Variants in VTI1A observed in about 807,000 individuals in gnomAD.
VTI1A encodes vesicle transport through interaction with t-SNAREs homolog 1A.
A neutral mutation model predicts 34.9 loss-of-function variants in VTI1A; 22 were observed. The ratio of observed to expected loss-of-function variants is 0.63; its 90% confidence interval spans 0.45 to 0.90. The LOEUF is 0.90. VTI1A is among the 40% of genes least tolerant of loss of function. The pLI, the probability that VTI1A is intolerant of heterozygous loss-of-function variation, is 0.00. For synonymous variants in VTI1A, 87 were observed against 97.3 expected (o/e 0.89, Z 0.62); for missense variants, 268 against 275.6 (o/e 0.97, Z 0.20).
At chr10:112,822,707 G>T (rs878885963), downstream of VTI1A, among the ~76,000 whole-genome samples, 3 of 152,132 alleles carry the variant, frequency 2.0e-5, no homozygotes, top group East Asian at 5.8e-4. Context: ...CATTTCTAAA[G>T]AAAGGGAGAA....
chr10:112,452,663 A>C (rs1357520533), intron 1 of VTI1A, among the ~76,000 whole-genome samples: 1 of 150,694 alleles, frequency 6.6e-6, no homozygotes, highest in Non-Finnish European at 1.5e-5. Context: ...GCATCTATAG[A>C]TCTATATATC....
At chr10:112,843,856 A>ACGTGATCTTAGAGAAGCCTTCCCCCACCC in the VTI1A span, among the ~76,000 whole-genome samples, 1 of 151,918 alleles carries the variant, frequency 6.6e-6, no homozygotes, top group Non-Finnish European at 1.5e-5. Context: ...CAGGCCTACC[A>ACGTGATCTTAGAGAAGCCTTCCCCCACCC]CGTGATCTTA....
chr10:112,752,567 G>GA (rs1851140172), intron 7 of VTI1A: 3 of 985,406 alleles, frequency 3.0e-6, no homozygotes, highest in Admixed American at 6.1e-5. Context: ...ACATGCTTTG[G>GA]AAAAACGCCC....
chr10:112,466,527 C>T (rs1482974100), intron 3 of VTI1A, among the ~76,000 whole-genome samples: 1 of 152,060 alleles, frequency 6.6e-6, no homozygotes, highest in East Asian at 1.9e-4. Flanking sequence ...TTGTGAAAGG[C>T]TAGTTTTTCT....
intron 7 of VTI1A, among the ~76,000 whole-genome samples, chr10:112,679,531 T>C (rs1367132850): frequency 1.3e-5 from 2 of 152,086 alleles, no homozygotes; most frequent in African/African-American, 2.4e-5. Flanking sequence ...TTAAAAAGGC[T>C]AATGACTTCT....
intron 5 of VTI1A, among the ~76,000 whole-genome samples, chr10:112,561,564 C>T (rs1239279312): frequency 6.6e-6 from 1 of 152,136 alleles, no homozygotes; most frequent in Non-Finnish European, 1.5e-5. Context: ...AATTCATCAA[C>T]ATGAAGCTGT....
At chr10:112,778,144 C>T (rs1393081429) in intron 7 of VTI1A, among the ~76,000 whole-genome samples, 4 of 152,074 alleles carry the variant, frequency 2.6e-5, no homozygotes, top group Non-Finnish European at 1.5e-5. Context: ...TAGCAAGTTC[C>T]GTAATAGCCT....
intron 7 of VTI1A, among the ~76,000 whole-genome samples, chr10:112,685,789 G>A (rs186488340): frequency 5.5e-4 from 84 of 152,066 alleles, no homozygotes; most frequent in African/African-American, 2.0e-3. Context: ...TGATATGCTC[G>A]CCTCTGTCCC....
chr10:112,660,046 C>T (rs1847385842), intron 5 of VTI1A, among the ~76,000 whole-genome samples: 1 of 152,124 alleles, frequency 6.6e-6, no homozygotes, highest in African/African-American at 2.4e-5. Context: ...CCTTATTTGG[C>T]CCCGTGCTCT....
chr10:112,763,699 A>G (rs1851556991), intron 7 of VTI1A, among the ~76,000 whole-genome samples: 1 of 152,164 alleles, frequency 6.6e-6, no homozygotes, highest in African/African-American at 2.4e-5. Context: ...ATATATTGAT[A>G]TAAGCTCTCT....
At chr10:112,448,097 T>C (rs1847018356) in intron 1 of VTI1A, among the ~76,000 whole-genome samples, 1 of 152,196 alleles carries the variant, frequency 6.6e-6, no homozygotes, top group Non-Finnish European at 1.5e-5. Flanking sequence ...CTTTCAACTT[T>C]CCTTCTTAGT....
intron 7 of VTI1A, among the ~76,000 whole-genome samples, chr10:112,745,406 A>G (rs564437849): frequency 3.3e-5 from 5 of 152,040 alleles, no homozygotes; most frequent in Admixed American, 2.6e-4. Flanking sequence ...TTCTGGCTCT[A>G]TACATTTTGT....
At chr10:112,843,826 G>A in the VTI1A span, among the ~76,000 whole-genome samples, 1 of 151,832 alleles carries the variant, frequency 6.6e-6, no homozygotes, top group Non-Finnish European at 1.5e-5. Context: ...TCACTTCTAA[G>A]CTTCCAGGCC....
At position 112,767,004 on chromosome 10, in the gene VTI1A, A is replaced by G. The variant is rs1004203737; in HGVS notation, c.561-48286A>G. Reference sequence around the variant, plus strand: ...TAGTTATTTAAATCTTGCTCCATATATATTACATATCCTTCAAAGCAGAGT... The same window carrying G: ...TAGTTATTTAAATCTTGCTCCATATGTATTACATATCCTTCAAAGCAGAGT... On this transcript the variant is annotated intron_variant, in intron 7 of 7. Coordinates refer to ENST00000393077, the MANE Select transcript of VTI1A (RefSeq NM_145206.4). This position sits in a 1 kb window ranked among gnomAD's most constrained non-coding sequence, Gnocchi z 4.0. Among the ~76,000 whole-genome samples, 10 of 152,224 alleles carry G rather than the reference A, an allele frequency of 6.6e-5. No individual in the cohort carries two copies. The highest frequency in any genetic ancestry group is 1.3e-4 in the Non-Finnish European group (9 of 68,036).
At chr10:112,740,376 G>A (rs149439858) in intron 7 of VTI1A, among the ~76,000 whole-genome samples, 2,766 of 152,204 alleles carry the variant, frequency 0.018, 88 homozygotes, top group African/African-American at 0.063. Context: ...TGCAACCTCC[G>A]CCTCCCAGGT....
chr10:112,632,907 G>T (rs1846189349), intron 5 of VTI1A, among the ~76,000 whole-genome samples: 1 of 152,212 alleles, frequency 6.6e-6, no homozygotes, highest in South Asian at 2.1e-4. Flanking sequence ...AGTAATGCCT[G>T]GGTATTTACA....
intron 7 of VTI1A, among the ~76,000 whole-genome samples, chr10:112,776,591 G>T (rs1022373260): frequency 6.6e-6 from 1 of 151,916 alleles, no homozygotes; most frequent in Non-Finnish European, 1.5e-5. Context: ...TCATCCCCCA[G>T]GATGCATTTA....
intron 5 of VTI1A, among the ~76,000 whole-genome samples, chr10:112,577,214 A>G (rs992046008): frequency 6.6e-6 from 1 of 152,184 alleles, no homozygotes; most frequent in Admixed American, 6.5e-5. Context: ...GACCTCATCT[A>G]AACCTGATTA....
At chr10:112,505,509 A>T (rs1471898727) in intron 3 of VTI1A, among the ~76,000 whole-genome samples, 2 of 152,128 alleles carry the variant, frequency 1.3e-5, no homozygotes, top group Non-Finnish European at 2.9e-5. Flanking sequence ...TAGTATTTCT[A>T]GTAAAATGTT....
Sources: allele counts gnomAD v4.1 joint callset (sites outside exome capture counted in the v4.1 genomes callset), GRCh38; gene constraint gnomAD v4.1.1; non-coding constraint Gnocchi (gnomAD v3.1); transcripts MANE v1.5; gene names NCBI Gene and HGNC (gene_info 2026-07-23, HGNC 2026-07-21).